The following ITPK1 variants were observed in gnomAD, a reference collection of about 807,000 sequenced individuals.
The protein encoded by ITPK1 is inositol-tetrakisphosphate 1-kinase.
A neutral mutation model predicts 45.3 loss-of-function variants in ITPK1; 21 were observed. The ratio of observed to expected loss-of-function variants is 0.46; its 90% confidence interval spans 0.33 to 0.67. The LOEUF is 0.67. Ranked by LOEUF, ITPK1 falls within the 30% of genes least tolerant of loss-of-function variation. The pLI, the probability that ITPK1 is intolerant of heterozygous loss-of-function variation, is 0.02. For synonymous variants in ITPK1, 258 were observed against 253.6 expected, an observed-to-expected ratio of 1.02 and a Z score of -0.16; for missense variants, 474 against 573.5, an observed-to-expected ratio of 0.83 and a Z score of 1.77.
chr14:93,057,714 G>T (rs1890266414), intron 3 of ITPK1, among the ~76,000 whole-genome samples: 1 of 152,170 alleles, frequency 6.6e-6, no homozygotes, highest in South Asian at 2.1e-4. Context: ...AACCAGCAGG[G>T]ACCCCAGTCT....
chr14:93,015,013 A>T (rs1408989508), intron 4 of ITPK1, among the ~76,000 whole-genome samples: 3 of 152,230 alleles, frequency 2.0e-5, no homozygotes, highest in African/African-American at 7.2e-5. Flanking sequence ...CACCACAGGC[A>T]CATGAACTGG....
intron 2 of ITPK1, among the ~76,000 whole-genome samples, chr14:93,088,662 T>G (rs1362114259): frequency 1.3e-5 from 2 of 152,036 alleles, no homozygotes; most frequent in African/African-American, 4.8e-5. Flanking sequence ...GGCCTCTTTT[T>G]TTATTTTTTG....
At chr14:93,004,113 C>T (rs549487171) in intron 4 of ITPK1, among the ~76,000 whole-genome samples, 224 of 152,188 alleles carry the variant, frequency 1.5e-3, no homozygotes, top group Non-Finnish European at 2.1e-3. Context: ...AGCACACCCA[C>T]GGCATGGTCA....
In ITPK1 at chr14:93,012,996, G is replaced by A. The variant is rs544122610; in HGVS notation, c.246+3680C>T. ...GTCAGGTGGCTCTGGGCGCCACAGC[G>A]AGGAGAAGGCTCGTGTTGCCCCCCT... is the stretch of plus-strand genomic sequence containing the variant. On this transcript the variant is annotated intron_variant, in intron 4 of 10. Transcript: ENST00000267615. This position sits in a 1 kb window ranked among gnomAD's most constrained non-coding sequence, Gnocchi z 4.9. 2.1e-4 allele frequency among the ~76,000 whole-genome samples: 32 copies of A among 152,140 alleles called. No individual in the cohort carries two copies. The highest frequency in any genetic ancestry group is 1.8e-3 in the Admixed American group (27 of 15,308).
chr14:93,091,593 G>C (rs541929201), intron 2 of ITPK1, among the ~76,000 whole-genome samples: 2 of 152,162 alleles, frequency 1.3e-5, no homozygotes, highest in Non-Finnish European at 2.9e-5. Flanking sequence ...TCTACACCTC[G>C]GTTTTCCGGC....
Position 93,115,890 on chromosome 14 carries a change from C to G in ITPK1, c.-261G>C, listed in dbSNP as rs868751608. 1 of 146,142 alleles carries G rather than the reference C, an allele frequency of 6.8e-6. No homozygotes were observed. The allele number at this position is 146,142 out of a possible 1,614,324, so 9.1% of individuals were successfully genotyped here. A position where few individuals can be genotyped will look rare whatever the true frequency, so the allele number is the denominator to read the frequency against. The stretch of plus-strand genomic sequence containing the variant: ...TGCCCGCCGCCGCCCCGCGCTGGCC[C>G]GGCCGCCCCGCTTGAGCCCGCGGCG... On this transcript the variant is annotated 5_prime_UTR_variant, in exon 1 of 11. Coordinates refer to ENST00000267615, the MANE Select transcript of ITPK1 (RefSeq NM_014216.6).
At chr14:93,107,748 C>T (rs1892582820) in intron 2 of ITPK1, among the ~76,000 whole-genome samples, 2 of 152,188 alleles carry the variant, frequency 1.3e-5, no homozygotes, top group South Asian at 2.1e-4. Context: ...AGATCCACCC[C>T]ACCGAACCCT....
intron 3 of ITPK1, among the ~76,000 whole-genome samples, chr14:93,024,178 A>G (rs1029691547): frequency 1.3e-5 from 2 of 151,988 alleles, no homozygotes; most frequent in African/African-American, 4.8e-5. Flanking sequence ...CCACACATGA[A>G]CCTCCTGTTG....
rs554516604 is a variant in ITPK1, at chr14:93,063,714, C to T, written c.120+12881G>A. 2.0e-5 allele frequency among the ~76,000 whole-genome samples: 3 copies of T among 152,308 alleles called. No individual in the cohort carries two copies. The South Asian group carries it at 6.2e-4, about 32-fold the overall frequency. ...AGAGGCACTGGCTATGCCATCACAC[C>T]TCTAGAATCCAATCCCAGCTCCACA... On this transcript the variant is annotated intron_variant, in intron 3 of 10. Transcript: ENST00000267615. This position sits in a 1 kb window ranked among gnomAD's most constrained non-coding sequence, Gnocchi z 4.3.
At chr14:92,996,003 T>C (rs559854731) in intron 4 of ITPK1, among the ~76,000 whole-genome samples, 4 of 152,322 alleles carry the variant, frequency 2.6e-5, no homozygotes, top group African/African-American at 9.6e-5. Context: ...TTCTTTTAAA[T>C]GCAGTCCATG....
At chr14:93,019,748 G>A (rs1888373924) in intron 3 of ITPK1, among the ~76,000 whole-genome samples, 1 of 152,174 alleles carries the variant, frequency 6.6e-6, no homozygotes, top group African/African-American at 2.4e-5. Flanking sequence ...GCCCCCACAG[G>A]AGAAAGGGCC....
At chr14:93,085,982 C>T (rs1595201808) in intron 2 of ITPK1, among the ~76,000 whole-genome samples, 1 of 152,042 alleles carries the variant, frequency 6.6e-6, no homozygotes, top group Non-Finnish European at 1.5e-5. Context: ...TCCCCGCTAC[C>T]CCCACTCCCC....
intron 4 of ITPK1, among the ~76,000 whole-genome samples, chr14:93,011,823 T>A (rs1887924036): frequency 6.6e-6 from 1 of 152,062 alleles, no homozygotes; most frequent in African/African-American, 2.4e-5. Flanking sequence ...AATCTCCCCT[T>A]CCAAGCAGGG....
At chr14:93,054,808 T>G (rs1890154756) in intron 3 of ITPK1, among the ~76,000 whole-genome samples, 1 of 152,234 alleles carries the variant, frequency 6.6e-6, no homozygotes, top group Non-Finnish European at 1.5e-5. Flanking sequence ...TCATGGCTTT[T>G]TTCCCCTTCT....
In ITPK1 at chr14:93,036,659, A is replaced by G. The variant is rs1325973969; in HGVS notation, c.121-19858T>C. On this transcript the variant is annotated intron_variant, in intron 3 of 10. Coordinates refer to ENST00000267615, the MANE Select transcript of ITPK1 (RefSeq NM_014216.6). This position sits in a 1 kb window ranked among gnomAD's most constrained non-coding sequence, Gnocchi z 4.1. The stretch of plus-strand genomic sequence containing the variant: ...AGGGGCCGGGTGAGGGCTCTCCCCC[A>G]GGAACACTGCCCCTATTCTCTGGGC... 4.0e-5 allele frequency among the ~76,000 whole-genome samples: 6 copies of G among 151,354 alleles called. No individual in the cohort carries two copies. The highest frequency in any genetic ancestry group is 8.8e-5 in the Non-Finnish European group (6 of 67,846).
chr14:93,075,130 C>T (rs1240889853), intron 3 of ITPK1, among the ~76,000 whole-genome samples: 2 of 151,874 alleles, frequency 1.3e-5, no homozygotes, highest in African/African-American at 4.8e-5. Context: ...AGTTCAAGAT[C>T]AGCCTGAGGA....
chr14:93,101,168 T>TC (rs781620435), intron 2 of ITPK1, among the ~76,000 whole-genome samples: 77 of 152,302 alleles, frequency 5.1e-4, no homozygotes, highest in African/African-American at 1.3e-3. Flanking sequence ...TCCTAGAGGT[T>TC]CCCTGGAGGC....
intron 10 of ITPK1, among the ~76,000 whole-genome samples, chr14:92,944,733 T>C (rs1053261731): frequency 2.0e-5 from 3 of 152,192 alleles, no homozygotes; most frequent in Non-Finnish European, 2.9e-5. Flanking sequence ...TGCATTATCC[T>C]GAATGTCCCT....
chr14:93,078,748 C>T (rs551068587), intron 2 of ITPK1, among the ~76,000 whole-genome samples: 3 of 152,160 alleles, frequency 2.0e-5, no homozygotes, highest in Admixed American at 6.5e-5. Context: ...CACCTGTGGA[C>T]ACCTCAGCCC....
Sources: gnomAD v4.1 joint callset for allele counts (sites outside exome capture counted in the v4.1 genomes callset) on GRCh38, gnomAD v4.1.1 for gene constraint, Gnocchi (gnomAD v3.1) non-coding constraint, MANE v1.5 for transcripts, NCBI Gene and HGNC (gene_info 2026-07-23, HGNC 2026-07-21) for gene names.